Variants in MAP1LC3C observed in about 807,000 individuals in gnomAD.
MAP1LC3C encodes microtubule associated protein 1 light chain 3 gamma.
A neutral mutation model predicts 10.4 loss-of-function variants in MAP1LC3C; 12 were observed. The ratio of observed to expected loss-of-function variants is 1.15; its 90% CI spans 0.74 to 1.86. The LOEUF is 1.86. Among genes scored for constraint, MAP1LC3C ranks in the 40% most tolerant of loss-of-function variants. The pLI is 0.00. For synonymous variants in MAP1LC3C, 70 were observed against 69.0 expected (o/e 1.01, Z -0.07); for missense variants, 177 against 185.7 (o/e 0.95, Z 0.27).
In MAP1LC3C at chr1:241,999,061, C is replaced by T. The variant is rs931805725; in HGVS notation, c.-53G>A. 2 of 1,556,312 alleles carry T rather than the reference C, an allele frequency of 1.3e-6. No homozygotes were observed. Among genetic ancestry groups the T allele is most frequent in the African/African-American group, 1.4e-5 (1 of 72,232 alleles). On this transcript the variant is annotated 5_prime_UTR_variant, in exon 1 of 4. Coordinates refer to ENST00000357246, the MANE Select transcript of MAP1LC3C (RefSeq NM_001004343.3). ...AAAAGAAAAAAAAACTGTCCCGCAA[C>T]CGGGAACCTAACTCATTCCTCCAGC...
In MAP1LC3C at chr1:241,996,146, A is replaced by C. The variant is rs1373279532; in HGVS notation, c.*17T>G. 1 of 1,604,840 alleles carries C rather than the reference A, an allele frequency of 6.2e-7. No individual in the cohort carries two copies. Among genetic ancestry groups the C allele is most frequent in the South Asian group, 1.1e-5 (1 of 90,504 alleles). The stretch of plus-strand genomic sequence containing the variant: ...ATCTGACACGTCTGTCAGAGCACAC[A>C]TCCTTCCCGACATGGGCTAGAGAGG... On this transcript the variant is annotated 3_prime_UTR_variant, in exon 4 of 4. Coordinates refer to ENST00000357246, the MANE Select transcript of MAP1LC3C (RefSeq NM_001004343.3).
At chr1:241,999,865 T>C (rs1342177481), upstream of MAP1LC3C, among the ~76,000 whole-genome samples, 2 of 152,090 alleles carry the variant, frequency 1.3e-5, no homozygotes, top group African/African-American at 4.8e-5. Flanking sequence ...GAAGTCCAAG[T>C]ACTACACTCC....
upstream of MAP1LC3C, among the ~76,000 whole-genome samples, chr1:242,000,919 C>T (rs561060141): frequency 5.9e-5 from 9 of 152,242 alleles, no homozygotes; most frequent in African/African-American, 1.9e-4. Context: ...GTCTTTCTGG[C>T]GACCAGCCCC....
upstream of MAP1LC3C, chr1:241,999,205 T>C: frequency 8.9e-7 from 1 of 1,124,280 alleles, no homozygotes; most frequent in Non-Finnish European, 1.2e-6. Context: ...GGAGGTCAGT[T>C]CTGATGGAAA....
In MAP1LC3C at chr1:241,998,580, G is replaced by C; in HGVS notation, c.155C>G (p.Pro52Arg). The C allele has an allele frequency of 1.9e-6, 3 of 1,613,088 alleles. No homozygotes were observed. The highest frequency in any genetic ancestry group is 1.3e-5 in the African/African-American group (1 of 74,992). The change falls in exon 3 of 4, where the codon CCG becomes CGG. Residue 52 changes from proline (P) to arginine (R), a missense_variant. Pro to Arg is a moderately radical substitution (Grantham distance 103). Coordinates refer to ENST00000357246, the MANE Select transcript of MAP1LC3C (RefSeq NM_001004343.3). ...ERYPRETFLP[P>R]LDKTKFLVPQ... Reference sequence around the variant, plus strand: ...GACCAGGAACTTGGTTTTGTCCAGCGGGGGCAGGAACGTCTCCCTGGGGTA... The same window carrying C: ...GACCAGGAACTTGGTTTTGTCCAGCCGGGGCAGGAACGTCTCCCTGGGGTA...
At chr1:241,998,865 A>C in intron 1 of MAP1LC3C, 34 bp from the exon 2 acceptor site, 1 of 1,613,892 alleles carries the variant, frequency 6.2e-7, no homozygotes, top group Non-Finnish European at 8.5e-7. Context: ...GAAGAAGCAA[A>C]GATCAAGAAA....
At chr1:241,998,467 G>A in intron 3 of MAP1LC3C, 47 bp downstream of exon 3, 18 of 1,543,080 alleles carry the variant, frequency 1.2e-5, no homozygotes, top group Non-Finnish European at 1.6e-5. Context: ...CAACAGCCCC[G>A]GCGCACCCAG....
At chr1:241,997,444 C>G (rs111311341) in intron 3 of MAP1LC3C, among the ~76,000 whole-genome samples, 6 of 152,208 alleles carry the variant, frequency 3.9e-5, no homozygotes, top group African/African-American at 1.2e-4. Context: ...CGCCTGAGCC[C>G]AGAAGGCCAA....
In MAP1LC3C at chr1:241,996,109, C is replaced by T. The variant is rs1574235958; in HGVS notation, c.*54G>A. The T allele has an allele frequency of 2.0e-6, 3 of 1,523,470 alleles. No individual in the cohort carries two copies. Among genetic ancestry groups the T allele is most frequent in the South Asian group, 2.4e-5 (2 of 82,766 alleles). 94.4% of individuals were successfully genotyped at this position (1,523,470 alleles called of 1,614,324 possible). ...CTGTATACACAGGAGAAAACCAATCCCTTCTGCCAGCATCTGACACGTCTG... is the reference window on the plus strand; with the variant it reads ...CTGTATACACAGGAGAAAACCAATCTCTTCTGCCAGCATCTGACACGTCTG... On this transcript the variant is annotated 3_prime_UTR_variant, in exon 4 of 4. Coordinates refer to ENST00000357246, the MANE Select transcript of MAP1LC3C (RefSeq NM_001004343.3).
intron 3 of MAP1LC3C, among the ~76,000 whole-genome samples, chr1:241,997,013 C>T (rs1386508531): frequency 6.7e-6 from 1 of 149,886 alleles, no homozygotes; most frequent in Non-Finnish European, 1.5e-5. Context: ...ATTCCCCTGC[C>T]TCAACCTCCC....
Position 241,998,609 on chromosome 1 carries a change from C to A in MAP1LC3C, c.126G>T (p.Glu42Asp). The A allele has an allele frequency of 1.9e-6, 3 of 1,611,050 alleles. No homozygotes were observed. The highest frequency in any genetic ancestry group is 1.7e-5 in the Admixed American group (1 of 59,570). ...GCAGGAACGTCTCCCTGGGGTAGCG[C>A]TCCACTACCACCTGTCAAGAGTGTC... ...KFPNKIPVVV[E>D]RYPRETFLPP... Residue 42 changes from glutamate to aspartate, a missense_variant, in exon 3 of 4, where the codon GAG becomes GAT. Coordinates refer to ENST00000357246, the MANE Select transcript of MAP1LC3C (RefSeq NM_001004343.3).
At position 241,995,817 on chromosome 1, in the gene MAP1LC3C, G is replaced by A. The variant is rs1019469033; in HGVS notation, c.*346C>T. On this transcript the variant is annotated 3_prime_UTR_variant, in exon 4 of 4. Coordinates refer to ENST00000357246, the MANE Select transcript of MAP1LC3C (RefSeq NM_001004343.3). Reference sequence around the variant, plus strand: ...GCTTGTAATACCAGCCACTCGGGGGGTGGAGGCAGAAGAATCACTTGAACC... The same window carrying A: ...GCTTGTAATACCAGCCACTCGGGGGATGGAGGCAGAAGAATCACTTGAACC... 5 of 172,172 alleles carry A rather than the reference G, an allele frequency of 2.9e-5. No individual in the cohort carries two copies. The highest frequency in any genetic ancestry group is 5.0e-5 in the Non-Finnish European group (4 of 80,508). 10.7% of individuals were successfully genotyped at this position (172,172 alleles called of 1,614,324 possible).
chr1:241,999,881 A>G (rs183515727), upstream of MAP1LC3C, among the ~76,000 whole-genome samples: 65 of 152,328 alleles, frequency 4.3e-4, no homozygotes, highest in East Asian at 9.3e-3. Context: ...ACTCCAGTAT[A>G]TTCTGTCACT....
upstream of MAP1LC3C, among the ~76,000 whole-genome samples, chr1:241,999,942 C>T (rs371298043): frequency 6.6e-6 from 1 of 152,204 alleles, no homozygotes; most frequent in East Asian, 1.9e-4. Context: ...TCCCCAAGAT[C>T]TTGCTTTTAG....
chr1:241,998,475 C>T (rs1427362024), intron 3 of MAP1LC3C, 39 bp downstream of exon 3: 3 of 1,574,840 alleles, frequency 1.9e-6, no homozygotes, highest in South Asian at 1.1e-5. Flanking sequence ...CCGGCGCACC[C>T]AGCGCACCTT....
Position 241,996,813 on chromosome 1 carries a change from C to T in MAP1LC3C, c.222-428G>A, listed in dbSNP as rs1018417924. Among the ~76,000 whole-genome samples, 4 of 139,180 alleles carry T rather than the reference C, an allele frequency of 2.9e-5. No individual in the cohort carries two copies. The South Asian group carries it at 7.3e-4, about 25-fold the overall frequency. 91.3% of individuals were successfully genotyped at this position (139,180 alleles called of 152,430 possible). Reference sequence around the variant, plus strand: ...GCGTGAACCTGTAGTCCCAGCTACTCGGGAGGCTGAGGCAGGAGAACCAGG... The same window carrying T: ...GCGTGAACCTGTAGTCCCAGCTACTTGGGAGGCTGAGGCAGGAGAACCAGG... On this transcript the variant is annotated intron_variant, in intron 3 of 3. Transcript: ENST00000357246.
intron 3 of MAP1LC3C, among the ~76,000 whole-genome samples, 186 bp from the exon 4 acceptor site, chr1:241,996,571 G>T (rs1665089973): frequency 6.6e-6 from 1 of 152,032 alleles, no homozygotes; most frequent in African/African-American, 2.4e-5. Context: ...ACACAAACAG[G>T]TTGAGGAAAC....
Position 241,998,819 on chromosome 1 carries a change from T to A in MAP1LC3C, c.71A>T (p.Glu24Val), listed in dbSNP as rs757978329. 9 of 1,613,806 alleles carry A rather than the reference T, an allele frequency of 5.6e-6. No individual in the cohort carries two copies. The highest frequency in any genetic ancestry group is 1.3e-5 in the African/African-American group (1 of 74,812). ...KQRKSLAIRQEEVAGIRAKFP... is the reference protein window; with the variant it reads ...KQRKSLAIRQVEVAGIRAKFP... ...CTTTGCCCGGATTCCAGCAACTTCC[T>A]CTTGTCTGATTGCTGTGAATATTTC... Residue 24 changes from glutamate (E) to valine (V), a missense_variant, in exon 2 of 4, where the codon GAG (glutamate) becomes GTG (valine). Physicochemically the swap from Glu to Val is moderately radical, Grantham distance 121 (BLOSUM62 -2). Transcript: ENST00000357246.
In MAP1LC3C at chr1:241,998,977, C is replaced by T. The variant is rs763540487; in HGVS notation, c.32G>A (p.Arg11Lys). Residue 11 changes from arginine (R) to lysine (K), a missense_variant, in exon 1 of 4, where the codon AGA (arginine) becomes AAA (lysine). Coordinates refer to ENST00000357246, the MANE Select transcript of MAP1LC3C (RefSeq NM_001004343.3). MPPPQKIPSVRPFKQRKSLAI... is the reference protein window; with the variant it reads MPPPQKIPSVKPFKQRKSLAI... ...CAAGCTTTTCCTCTGCTTGAAGGGTCTGACGCTTGGGATTTTCTGTGGAGG... is the reference window on the plus strand; with the variant it reads ...CAAGCTTTTCCTCTGCTTGAAGGGTTTGACGCTTGGGATTTTCTGTGGAGG... The T allele has an allele frequency of 4.3e-6, 7 of 1,611,328 alleles. No individual in the cohort carries two copies. Among genetic ancestry groups the T allele is most frequent in the Non-Finnish European group, 5.9e-6 (7 of 1,179,528 alleles).
Sources: gnomAD v4.1 joint callset for allele counts (sites outside exome capture counted in the v4.1 genomes callset) on GRCh38, gnomAD v4.1.1 for gene constraint, MANE v1.5 for transcripts, NCBI Gene and HGNC (gene_info 2026-07-23, HGNC 2026-07-21) for gene names.